PCDH15: variants seen among roughly 807,000 people sequenced by gnomAD.
PCDH15 encodes the protein protocadherin related 15.
Under a neutral mutation model 178.5 loss-of-function variants are expected in PCDH15, and 129 were observed. The ratio of observed to expected loss-of-function variants is 0.72; its 90% CI spans 0.63 to 0.84. The LOEUF (loss-of-function observed/expected upper bound fraction) is 0.84, where lower values mean the gene tolerates loss of function less well. Among genes scored for constraint, PCDH15 ranks in the 40% least tolerant of loss-of-function variants. PCDH15 has a pLI of 0.00. For synonymous variants in PCDH15, 800 were observed against 732.0 expected (o/e 1.09, Z -1.50); for missense variants, 2,230 against 2,099.9 (o/e 1.06, Z -1.21).
chr10:54,079,612 T>G (rs2094404384), intron 16 of PCDH15, among the ~76,000 whole-genome samples, 188 bp from the exon 17 acceptor site: 1 of 152,196 alleles, frequency 6.6e-6, no homozygotes, highest in African/African-American at 2.4e-5. Context: ...GCTGTCAAAT[T>G]TCTTAGCAGT....
intron 14 of PCDH15, 55 bp downstream of exon 14, chr10:54,153,045 T>C: frequency 6.3e-7 from 1 of 1,590,198 alleles, no homozygotes; most frequent in South Asian, 1.1e-5. Context: ...TTAAATTTAA[T>C]TACAGGGTTA....
intron 2 of PCDH15, among the ~76,000 whole-genome samples, chr10:54,934,636 G>A (rs1442335047): frequency 6.6e-6 from 1 of 151,148 alleles, no homozygotes; most frequent in Non-Finnish European, 1.5e-5. Flanking sequence ...TGGTGGGACT[G>A]TAAACTAGTT....
chr10:55,359,745 TATACACACACAC>T (rs1845181974), intron 2 of PCDH15, among the ~76,000 whole-genome samples: 1 of 131,760 alleles, frequency 7.6e-6, no homozygotes, highest in African/African-American at 3.0e-5. Context: ...TATATATATA[TATACACACACAC>T]ACACACACAC....
At chr10:55,567,957 C>T (rs115305296) in intron 2 of PCDH15, among the ~76,000 whole-genome samples, 3,245 of 151,992 alleles carry the variant, frequency 0.021, 120 homozygotes, top group African/African-American at 0.074. Flanking sequence ...AACCCTTGTG[C>T]ACTGTTAGTG....
At chr10:54,313,291 A>G (rs1255066159) in intron 8 of PCDH15, among the ~76,000 whole-genome samples, 2 of 151,966 alleles carry the variant, frequency 1.3e-5, no homozygotes, top group African/African-American at 2.4e-5. Context: ...TATTCTCCTT[A>G]TGTTAGGATA....
Position 54,023,186 on chromosome 10 carries a change from A to C in PCDH15, c.2232T>G (p.Pro744=). ...AFVGQVKATD[P]DAGINGQVHY... is the part of the protein sequence containing the mutation. ...GCACTTGACCATTTATTCCAGCATC[A>C]GGGTCTGTTGCCTATTAAATAAAAC... Residue 744 remains proline (P), a synonymous_variant, in exon 19 of 38, where the codon CCT becomes CCG. Coordinates refer to ENST00000644397, the MANE Select transcript of PCDH15 (RefSeq NM_001384140.1). The C allele has an allele frequency of 6.2e-7, 1 of 1,613,502 alleles. No individual in the cohort carries two copies. Among genetic ancestry groups the C allele is most frequent in the Non-Finnish European group, 8.5e-7 (1 of 1,179,840 alleles).
intron 8 of PCDH15, among the ~76,000 whole-genome samples, chr10:54,243,848 G>A (rs1026356705): frequency 6.6e-6 from 1 of 151,954 alleles, no homozygotes; most frequent in South Asian, 2.1e-4. Context: ...ACGAATTGGG[G>A]TGAGTAGTAT....
intron 1 of PCDH15, among the ~76,000 whole-genome samples, chr10:54,786,181 A>C (rs1829976269): frequency 6.6e-6 from 1 of 152,052 alleles, no homozygotes; most frequent in Admixed American, 6.6e-5. Context: ...CGGCAGCTTG[A>C]TGAGAGCATA....
Position 54,496,742 on chromosome 10 carries a change from C to T in PCDH15, c.157+31070G>A, listed in dbSNP as rs370958530. The stretch of plus-strand genomic sequence containing the variant: ...GAGAGCTTATCTCAGCCTCTCAATA[C>T]TTCCCTTATTTTAAAAGTTTTAATG... On this transcript the variant is annotated intron_variant, in intron 3 of 37. Coordinates refer to ENST00000644397, the MANE Select transcript of PCDH15 (RefSeq NM_001384140.1). 5.9e-4 allele frequency among the ~76,000 whole-genome samples: 90 copies of T among 152,214 alleles called. 3 individuals carry two copies. The South Asian group carries it at 0.019, about 32-fold the overall frequency.
At chr10:54,820,675 C>T (rs1427535344) in intron 3 of PCDH15, among the ~76,000 whole-genome samples, 1 of 151,982 alleles carries the variant, frequency 6.6e-6, no homozygotes, top group Non-Finnish European at 1.5e-5. Flanking sequence ...CACCATAAAG[C>T]AATGCGTAGT....
chr10:55,498,008 C>T (rs1309144952), intron 2 of PCDH15, among the ~76,000 whole-genome samples: 6 of 151,792 alleles, frequency 4.0e-5, no homozygotes, highest in Non-Finnish European at 5.9e-5. Flanking sequence ...CCTATATCTA[C>T]TCTTAAGTGC....
chr10:54,779,847 T>C (rs1289684779), intron 1 of PCDH15, among the ~76,000 whole-genome samples: 1 of 152,006 alleles, frequency 6.6e-6, no homozygotes, highest in African/African-American at 2.4e-5. Flanking sequence ...TATAAACTAG[T>C]CTCATTCTCA....
At chr10:53,887,181 C>T (rs923181199) in intron 26 of PCDH15, among the ~76,000 whole-genome samples, 7 of 152,264 alleles carry the variant, frequency 4.6e-5, no homozygotes, top group African/African-American at 1.4e-4. Flanking sequence ...ATTACTGGCA[C>T]CTCTCAGCTA....
At chr10:53,879,709 G>A (rs1442304388) in intron 26 of PCDH15, among the ~76,000 whole-genome samples, 1 of 152,102 alleles carries the variant, frequency 6.6e-6, no homozygotes, top group African/African-American at 2.4e-5. Flanking sequence ...TTGTTAATAT[G>A]TCTATGTGCC....
chr10:54,237,600 T>A (rs2054770392), intron 8 of PCDH15, among the ~76,000 whole-genome samples: 2 of 152,298 alleles, frequency 1.3e-5, no homozygotes, highest in South Asian at 4.1e-4. Flanking sequence ...AAGAACCAGA[T>A]AATAACTATC....
At chr10:54,109,437 T>C (rs1221852639) in intron 15 of PCDH15, among the ~76,000 whole-genome samples, 3 of 152,158 alleles carry the variant, frequency 2.0e-5, no homozygotes, top group Non-Finnish European at 4.4e-5. Flanking sequence ...GGCATCAAAC[T>C]CTGAATCTGT....
chr10:55,576,010 C>A (rs1842491158), intron 2 of PCDH15, among the ~76,000 whole-genome samples: 1 of 152,102 alleles, frequency 6.6e-6, no homozygotes, highest in Non-Finnish European at 1.5e-5. Context: ...CTCTATTCAC[C>A]ACCTCACTGA....
intron 8 of PCDH15, among the ~76,000 whole-genome samples, chr10:54,311,851 C>G (rs189355035): frequency 6.6e-6 from 1 of 151,770 alleles, no homozygotes; most frequent in East Asian, 1.9e-4. Context: ...TGATATAAAG[C>G]GATTTTTATT....
Position 55,258,262 on chromosome 10 carries a change from A to G in PCDH15, c.-156+61337T>C, listed in dbSNP as rs183644057. Among the ~76,000 whole-genome samples, 421 of 152,290 alleles carry G rather than the reference A, an allele frequency of 2.8e-3. 1 individual carries two copies. The highest frequency in any genetic ancestry group is 4.9e-3 in the Non-Finnish European group (336 of 68,014). On this transcript the variant is annotated intron_variant, in intron 1 of 5. Coordinates refer to the PCDH15 transcript ENST00000458638. ...GACAAATGGAGATTACTGATAAAAT[A>G]TTAATTAGTTTTTGAATGACCCAGG...
Sources: gnomAD v4.1 joint callset for allele counts (sites outside exome capture counted in the v4.1 genomes callset) on GRCh38, gnomAD v4.1.1 for gene constraint, MANE v1.5 for transcripts, NCBI Gene and HGNC (gene_info 2026-07-23, HGNC 2026-07-21) for gene names.